Variants in SPAG17 observed in about 807,000 individuals in gnomAD.
SPAG17 encodes sperm associated antigen 17, also known as sperm-associated antigen 17.
Under a neutral mutation model 273.6 loss-of-function variants are expected in SPAG17, and 169 were observed. The ratio of observed to expected loss-of-function variants is 0.62; its 90% CI spans 0.55 to 0.70. The LOEUF is 0.70. Among genes scored for constraint, SPAG17 ranks in the 30% least tolerant of loss-of-function variants. The pLI, the probability that SPAG17 is intolerant of heterozygous loss-of-function variation, is 0.00. For missense variants in SPAG17, 2,557 were observed against 2,627.8 expected, an observed-to-expected ratio of 0.97 and a Z score of 0.59; for synonymous variants, 825 against 873.2, an observed-to-expected ratio of 0.94 and a Z score of 0.97.
At chr1:117,998,275 C>T (rs996213135) in intron 32 of SPAG17, among the ~76,000 whole-genome samples, 1 of 152,150 alleles carries the variant, frequency 6.6e-6, no homozygotes, top group Non-Finnish European at 1.5e-5. Context: ...CTGCATATAG[C>T]TAGCCATTTA....
chr1:118,031,788 G>A lies in SPAG17; in HGVS notation c.3513C>T (p.Thr1171=), dbSNP rs774922325. The A allele has an allele frequency of 1.7e-5, 28 of 1,613,486 alleles. No homozygotes were observed. The highest frequency in any genetic ancestry group is 1.3e-4 in the East Asian group (6 of 44,820). The stretch of plus-strand genomic sequence containing the variant: ...TCCCTTTAGCTTTGCTTTGAGGAAC[G>A]GTCACTATAACAGGAACCACTGTTG... The part of the protein sequence containing the change: ...LTPTVVPVIV[T]VPQSKAKGKI... The change falls in exon 25 of 49, where the codon ACC becomes ACT. Residue 1171 remains threonine (T), a synonymous_variant. Coordinates refer to ENST00000336338, the MANE Select transcript of SPAG17 (RefSeq NM_206996.4).
chr1:118,145,106 GCT>G (rs1403732175), intron 3 of SPAG17, among the ~76,000 whole-genome samples: 1 of 152,094 alleles, frequency 6.6e-6, no homozygotes, highest in Non-Finnish European at 1.5e-5. Flanking sequence ...ATGACATACT[GCT>G]CTCTCTGTTC....
At position 118,101,705 on chromosome 1, in the gene SPAG17, G is replaced by A. The variant is rs769970449; in HGVS notation, c.634+35C>T. On this transcript the variant is annotated intron_variant, in intron 5 of 48. Coordinates refer to ENST00000336338, the MANE Select transcript of SPAG17 (RefSeq NM_206996.4). ...ATTTTATTGCCACTGTGTTTCACTC[G>A]TGAAAGGCACCGCCGGCAGCAGCAC... is the stretch of plus-strand genomic sequence containing the variant. 28 of 1,592,948 alleles carry A rather than the reference G, an allele frequency of 1.8e-5. No homozygotes were observed. In the South Asian group the frequency reaches 2.0e-4, roughly 12 times the overall value.
At position 118,099,795 on chromosome 1, in the gene SPAG17, C is replaced by T; in HGVS notation, c.640G>A (p.Glu214Lys). Residue 214 changes from glutamate to lysine, a missense_variant, in exon 6 of 49, where the codon GAG (glutamate) becomes AAG (lysine). Physicochemically the swap from Glu to Lys is moderately conservative, Grantham distance 56. Coordinates refer to ENST00000336338, the MANE Select transcript of SPAG17 (RefSeq NM_206996.4). ...TAATGTTGGGCACCATCATCTGGCT[C>T]ATCGTCTGTTCAAAATACCATAAAG... is the stretch of plus-strand genomic sequence containing the variant. ...DDHTNRYIDD[E>K]PDDGAQHYII... is the part of the protein sequence containing the mutation. The T allele has an allele frequency of 6.2e-7, 1 of 1,611,812 alleles. No individual in the cohort carries two copies. Among genetic ancestry groups the T allele is most frequent in the Non-Finnish European group, 8.5e-7 (1 of 1,179,560 alleles).
chr1:118,125,844 A>G (rs1657688467), intron 3 of SPAG17, among the ~76,000 whole-genome samples: 1 of 152,146 alleles, frequency 6.6e-6, no homozygotes, highest in South Asian at 2.1e-4. Context: ...GAGGGTACAG[A>G]TATTTCTTTA....
At chr1:118,071,485 A>G (rs1159979266) in intron 17 of SPAG17, among the ~76,000 whole-genome samples, 1 of 152,112 alleles carries the variant, frequency 6.6e-6, no homozygotes. Context: ...CCCCATCTCT[A>G]CTATAAATAC....
At chr1:118,038,264 T>A (rs149271615) in intron 23 of SPAG17, among the ~76,000 whole-genome samples, 453 of 152,252 alleles carry the variant, frequency 3.0e-3, no homozygotes, top group African/African-American at 0.011. Context: ...GGAGAAAATC[T>A]AAAACAGAAA....
intron 3 of SPAG17, among the ~76,000 whole-genome samples, chr1:118,144,887 G>T (rs545379750): frequency 3.9e-5 from 6 of 152,254 alleles, no homozygotes; most frequent in Admixed American, 2.6e-4. Flanking sequence ...CCTTTTACTT[G>T]ATCTCCTGCA....
chr1:118,073,749 CT>C, intron 17 of SPAG17, 104 bp downstream of exon 17: 1 of 700,130 alleles, frequency 1.4e-6, no homozygotes, highest in South Asian at 2.1e-5. Flanking sequence ...GACTATTGAT[CT>C]GAACTAGATC....
intron 20 of SPAG17, among the ~76,000 whole-genome samples, chr1:118,045,123 A>G (rs779611223): frequency 6.6e-6 from 1 of 152,208 alleles, no homozygotes; most frequent in Non-Finnish European, 1.5e-5. Context: ...GTATAATAAG[A>G]AACAGATATT....
At chr1:118,028,501 A>G in intron 25 of SPAG17, 107 bp from the exon 26 acceptor site, 1 of 1,380,528 alleles carries the variant, frequency 7.2e-7, no homozygotes, top group South Asian at 1.5e-5. Context: ...TGACTTGCAC[A>G]GAGCTAGGTG....
chr1:118,103,163 G>GA (rs1656179494), intron 4 of SPAG17, among the ~76,000 whole-genome samples: 1 of 152,132 alleles, frequency 6.6e-6, no homozygotes. Context: ...GGGCGAAGAA[G>GA]AAAATACATC....
chr1:118,097,815 A>T lies in SPAG17; in HGVS notation c.866T>A (p.Ile289Lys), dbSNP rs754769596. ...CTTCCAGAAAGTTTTAAGCTCTTTT[A>T]TGGCATTTTCTTTCTTCAATTTTTC... ...EAEKLKKENA[I>K]KELKTFWKYL... The change falls in exon 7 of 49, where the codon ATA (isoleucine) becomes AAA (lysine). Residue 289 changes from isoleucine to lysine, a missense_variant. Transcript: ENST00000336338. The T allele has an allele frequency of 3.8e-6, 6 of 1,596,854 alleles. No individual in the cohort carries two copies. The highest frequency in any genetic ancestry group is 1.4e-5 in the African/African-American group (1 of 73,768).
chr1:118,110,773 C>G (rs1366683372), intron 4 of SPAG17, among the ~76,000 whole-genome samples: 1 of 152,144 alleles, frequency 6.6e-6, no homozygotes, highest in Non-Finnish European at 1.5e-5. Flanking sequence ...ATTGGTCCTA[C>G]AGGGAAATGT....
intron 1 of SPAG17, among the ~76,000 whole-genome samples, chr1:118,159,250 C>A (rs962013208): frequency 2.6e-5 from 4 of 152,158 alleles, no homozygotes; most frequent in Admixed American, 6.5e-5. Context: ...CTTTACTGTG[C>A]ATGTATACAC....
chr1:118,155,141 A>G (rs971139829), intron 1 of SPAG17, among the ~76,000 whole-genome samples: 1 of 152,134 alleles, frequency 6.6e-6, no homozygotes, highest in African/African-American at 2.4e-5. Context: ...GAAGTCATGT[A>G]TGGACACAAT....
rs751100132 is a variant in SPAG17, at chr1:118,151,316, A to C, written c.141T>G (p.Asp47Glu). 1 of 1,613,256 alleles carries C rather than the reference A, an allele frequency of 6.2e-7. No individual in the cohort carries two copies. The highest frequency in any genetic ancestry group is 8.5e-7 in the Non-Finnish European group (1 of 1,179,440). ...CCACGGTAAGGGCTTGGATGAGAAG[A>C]TCATCTTCAATCTGGTTCCCAACCA... The part of the protein sequence containing the change: ...AFVVGNQIED[D>E]LLIQALTVAV... The change falls in exon 2 of 49, where the codon GAT becomes GAG. Residue 47 changes from aspartate (D) to glutamate (E), a missense_variant. Transcript: ENST00000336338.
chr1:118,164,012 C>T (rs1241991985), intron 1 of SPAG17, among the ~76,000 whole-genome samples: 2 of 152,180 alleles, frequency 1.3e-5, no homozygotes, highest in Non-Finnish European at 2.9e-5. Context: ...GACACCACCC[C>T]GTTCTCATTC....
Position 118,012,316 on chromosome 1 carries a change from C to A in SPAG17, c.4344G>T (p.Arg1448=), listed in dbSNP as rs377447171. The change falls in exon 30 of 49, where the codon CGG becomes CGT. Residue 1448 remains arginine, a synonymous_variant. Transcript: ENST00000336338. ...VVIVERKDGT[R]IVDHADGTRI... is the part of the protein sequence containing the mutation. ...TGGTACCATCAGCATGATCCACTAT[C>A]CGAGTACCATCTTTCCTTTCAACTA... 6.8e-6 allele frequency: 11 copies of A among 1,613,654 alleles called. No individual in the cohort carries two copies. The highest frequency in any genetic ancestry group is 2.7e-5 in the African/African-American group (2 of 74,898).
Sources: allele counts gnomAD v4.1 joint callset (sites outside exome capture counted in the v4.1 genomes callset), GRCh38; gene constraint gnomAD v4.1.1; transcripts MANE v1.5; gene names NCBI Gene and HGNC (gene_info 2026-07-23, HGNC 2026-07-21).